Variants in RWDD4 observed in about 807,000 individuals in gnomAD.
RWDD4 encodes the protein RWD domain-containing protein 4.
Under a neutral mutation model 30.0 loss-of-function variants are expected in RWDD4, and 16 were observed. That is an observed-to-expected ratio of 0.53 (90% CI 0.36 to 0.81). RWDD4 has a LOEUF of 0.81. RWDD4 is among the 30% of genes least tolerant of loss of function. RWDD4 has a pLI of 0.00. For synonymous variants in RWDD4, 45 were observed against 72.1 expected, an observed-to-expected ratio of 0.62 and a Z score of 1.90; for missense variants, 170 against 223.9, an observed-to-expected ratio of 0.76 and a Z score of 1.54.
intron 1 of RWDD4, among the ~76,000 whole-genome samples, chr4:183,656,541 C>T (rs931121390): frequency 2.0e-5 from 3 of 152,184 alleles, no homozygotes; most frequent in African/African-American, 7.2e-5. Flanking sequence ...CTTGCTTGGA[C>T]ATAGTTCTTA....
chr4:183,641,450 T>C lies in RWDD4; in HGVS notation c.553A>G (p.Lys185Glu). The change falls in exon 8 of 8, where the codon AAG (lysine) becomes GAG (glutamate). Residue 185 changes from lysine to glutamate, a missense_variant. Coordinates refer to ENST00000326397, the MANE Select transcript of RWDD4 (RefSeq NM_152682.4). ...VVKHLSKTGS[K>E]DDE is the part of the protein sequence containing the mutation. ...AATTCCAAGTGCTACTCATCATCCT[T>C]AGAGCCAGTTTTGCTTAACTATAAA... The C allele has an allele frequency of 6.2e-7, 1 of 1,608,768 alleles. No individual in the cohort carries two copies. Among genetic ancestry groups the C allele is most frequent in the Non-Finnish European group, 8.5e-7 (1 of 1,176,242 alleles).
intron 2 of RWDD4, among the ~76,000 whole-genome samples, chr4:183,654,743 G>A (rs138982144): frequency 1.9e-3 from 296 of 152,244 alleles, no homozygotes; most frequent in African/African-American, 6.0e-3. Context: ...TGAGGTCCAT[G>A]GTTATTACAT....
At chr4:183,655,838 T>C in intron 2 of RWDD4, 43 bp downstream of exon 2, 3 of 1,216,062 alleles carry the variant, frequency 2.5e-6, no homozygotes, top group South Asian at 2.6e-5. Context: ...TTTCAGTCTT[T>C]TCTAGAAAAG....
At chr4:183,646,323 A>G (rs1438299503) in intron 7 of RWDD4, 28 bp downstream of exon 7, 1 of 900,792 alleles carries the variant, frequency 1.1e-6, no homozygotes. Context: ...GAAAAGAAGA[A>G]TGTAAAAGGT....
Position 183,640,882 on chromosome 4 carries a change from T to C in RWDD4, c.*554A>G, listed in dbSNP as rs1733842635. The C allele has an allele frequency of 6.8e-6, 1 of 147,396 alleles. No homozygotes were observed. Among genetic ancestry groups the C allele is most frequent in the African/African-American group, 2.5e-5 (1 of 40,096 alleles). The allele number at this position is 147,396 out of a possible 1,614,324, so 9.1% of individuals were successfully genotyped here. ...TATTAATTTATTAAAAGGAAGCAGTTCATCTTTCAAAAATTAAAAGAAACT... is the reference window on the plus strand; with the variant it reads ...TATTAATTTATTAAAAGGAAGCAGTCCATCTTTCAAAAATTAAAAGAAACT... On this transcript the variant is annotated 3_prime_UTR_variant, in exon 8 of 8. Coordinates refer to ENST00000326397, the MANE Select transcript of RWDD4 (RefSeq NM_152682.4).
At position 183,656,137 on chromosome 4, in the gene RWDD4, ATACT is replaced by A. The variant is rs1285276519; in HGVS notation, c.25-180_25-177del. The A allele has an allele frequency of 2.4e-5, 13 of 533,738 alleles. No individual in the cohort carries two copies. The East Asian group carries it at 3.8e-4, about 16-fold the overall frequency. 33.1% of individuals were successfully genotyped at this position (533,738 alleles called of 1,614,324 possible). A position where few individuals can be genotyped will look rare whatever the true frequency, so the allele number is the denominator to read the frequency against. On this transcript the variant is annotated intron_variant, in intron 1 of 7. Coordinates refer to ENST00000326397, the MANE Select transcript of RWDD4 (RefSeq NM_152682.4). Reference sequence around the variant, plus strand: ...ACACATGACAATATTACTACCAATGATACTTACTTTCAAACTCTGTGTCAGGGAC... The same window carrying A: ...ACACATGACAATATTACTACCAATGATACTTTCAAACTCTGTGTCAGGGAC...
chr4:183,658,016 G>C (rs1734243923), intron 1 of RWDD4, among the ~76,000 whole-genome samples: 1 of 152,172 alleles, frequency 6.6e-6, no homozygotes, highest in Non-Finnish European at 1.5e-5. Context: ...GCTTTGCAGG[G>C]AGAAGAAGCT....
intron 7 of RWDD4, among the ~76,000 whole-genome samples, chr4:183,645,589 T>C (rs1733951724): frequency 7.6e-6 from 1 of 131,468 alleles, no homozygotes; most frequent in Admixed American, 8.1e-5. Flanking sequence ...GGGCAACATA[T>C]CTGTCTCTGC....
intron 7 of RWDD4, among the ~76,000 whole-genome samples, chr4:183,643,659 G>A (rs1239701375): frequency 2.0e-5 from 3 of 151,990 alleles, no homozygotes; most frequent in East Asian, 3.9e-4. Context: ...GCTCAAGCCT[G>A]TAATCCCAGC....
intron 7 of RWDD4, among the ~76,000 whole-genome samples, chr4:183,645,567 C>T (rs1330950665): frequency 1.4e-5 from 2 of 141,608 alleles, no homozygotes; most frequent in African/African-American, 5.3e-5. Flanking sequence ...CCCAGGAGGT[C>T]GAGAACAGCC....
chr4:183,654,935 T>C (rs4554118), intron 2 of RWDD4, among the ~76,000 whole-genome samples: 57,576 of 151,796 alleles, frequency 0.38, 11,892 homozygotes, highest in African/African-American at 0.56. Flanking sequence ...TACTTATAAT[T>C]ATTTGTGTGT....
At chr4:183,649,378 C>A (rs1354873092) in intron 5 of RWDD4, 73 bp downstream of exon 5, 12 of 922,642 alleles carry the variant, frequency 1.3e-5, no homozygotes, top group Non-Finnish European at 2.1e-5. Flanking sequence ...CATGCCACTG[C>A]ACTCCAGCCT....
chr4:183,656,033 C>T, intron 1 of RWDD4, 72 bp from the exon 2 acceptor site: 1 of 975,888 alleles, frequency 1.0e-6, no homozygotes, highest in Non-Finnish European at 1.6e-6. Flanking sequence ...TTTACTTTCT[C>T]ATTCAAGCCC....
chr4:183,658,816 T>C (rs1734285427), intron 1 of RWDD4, 113 bp downstream of exon 1: 5 of 1,006,124 alleles, frequency 5.0e-6, no homozygotes, highest in East Asian at 6.6e-5. Flanking sequence ...CCCGGCCGGC[T>C]CCGAGGGCAC....
At position 183,640,015 on chromosome 4, in the gene RWDD4, CCT is replaced by C. The variant is rs1045971531; in HGVS notation, c.*1419_*1420del. 1 of 152,062 alleles carries C rather than the reference CCT, an allele frequency of 6.6e-6. No individual in the cohort carries two copies. The highest frequency in any genetic ancestry group is 1.5e-5 in the Non-Finnish European group (1 of 68,020). The allele number at this position is 152,062 out of a possible 1,614,324, so 9.4% of individuals were successfully genotyped here. ...ACCACAAATACTACCCACACACAACCCTGAAACATAAGTTGCCATATTCCAGT... is the reference window on the plus strand; with the variant it reads ...ACCACAAATACTACCCACACACAACCGAAACATAAGTTGCCATATTCCAGT... On this transcript the variant is annotated 3_prime_UTR_variant, in exon 8 of 8. Transcript: ENST00000326397.
intron 5 of RWDD4, 146 bp from the exon 6 acceptor site, chr4:183,646,683 G>T: frequency 1.5e-6 from 1 of 662,102 alleles, no homozygotes; most frequent in Non-Finnish European, 2.5e-6. Flanking sequence ...TTATCATTAT[G>T]AATCGATACT....
At position 183,639,960 on chromosome 4, in the gene RWDD4, TTC is replaced by T. The variant is rs1439433787; in HGVS notation, c.*1474_*1475del. The stretch of plus-strand genomic sequence containing the variant: ...AGTATTTTATTCCACTAGCAGATGT[TTC>T]TCCAAAAACAAAAAACAAACCAATA... On this transcript the variant is annotated 3_prime_UTR_variant, in exon 8 of 8. Transcript: ENST00000326397. The T allele has an allele frequency of 2.0e-5, 3 of 152,130 alleles. No individual in the cohort carries two copies. Among genetic ancestry groups the T allele is most frequent in the Admixed American group, 2.0e-4 (3 of 15,254 alleles). 9.4% of individuals were successfully genotyped at this position (152,130 alleles called of 1,614,324 possible). A position where few individuals can be genotyped will look rare whatever the true frequency, so the allele number is the denominator to read the frequency against.
intron 7 of RWDD4, among the ~76,000 whole-genome samples, chr4:183,642,095 T>TA (rs1188445563): frequency 1.3e-5 from 2 of 151,884 alleles, no homozygotes; most frequent in African/African-American, 4.8e-5. Flanking sequence ...CCAAGAACAC[T>TA]AGAGAGTGTG....
intron 5 of RWDD4, 117 bp downstream of exon 5, chr4:183,649,334 A>C: frequency 3.1e-6 from 2 of 641,788 alleles, no homozygotes; most frequent in South Asian, 1.8e-5. Flanking sequence ...GAATCGCATG[A>C]GCCTGGGAGG....
Sources: gnomAD v4.1 joint callset for allele counts (sites outside exome capture counted in the v4.1 genomes callset) on GRCh38, gnomAD v4.1.1 for gene constraint, MANE v1.5 for transcripts, NCBI Gene and HGNC (gene_info 2026-07-23, HGNC 2026-07-21) for gene names.